The following ARHGAP39 variants were observed in gnomAD, a reference collection of about 807,000 sequenced individuals.
ARHGAP39 encodes rho GTPase-activating protein 39.
In ARHGAP39, 44 loss-of-function variants were observed where a neutral mutation model predicts 106.9. That is an observed-to-expected ratio of 0.41 (90% CI 0.32 to 0.53). ARHGAP39 has a LOEUF of 0.53. ARHGAP39 is among the 20% of genes least tolerant of loss of function. The pLI, the probability that ARHGAP39 is intolerant of heterozygous loss-of-function variation, is 0.21. For missense variants in ARHGAP39, 1,496 were observed against 1,577.3 expected (o/e 0.95, Z 0.87); for synonymous variants, 768 against 693.2 (o/e 1.11, Z -1.69).
chr8:144,647,461 C>A lies in ARHGAP39; in HGVS notation c.-82+38225G>T, dbSNP rs970683046. Among the ~76,000 whole-genome samples, 4 of 152,214 alleles carry A rather than the reference C, an allele frequency of 2.6e-5. No homozygotes were observed. Among genetic ancestry groups the A allele is most frequent in the Admixed American group, 6.5e-5 (1 of 15,278 alleles). On this transcript the variant is annotated intron_variant, in intron 1 of 11. Coordinates refer to ENST00000377307, the MANE Select transcript of ARHGAP39 (RefSeq NM_025251.3). The surrounding 1 kb of genome is among the most constrained non-coding windows in gnomAD (Gnocchi z 4.8). ...AGTCCTGTGCTCACAATGTCCATGG[C>A]CCCAGAACATTCCCACAAGGAAAGG...
chr8:144,639,574 C>T (rs868571328), intron 1 of ARHGAP39, among the ~76,000 whole-genome samples: 2 of 151,852 alleles, frequency 1.3e-5, no homozygotes, highest in Non-Finnish European at 2.9e-5. Flanking sequence ...TCTTCCAATA[C>T]GTATTCCTGT....
chr8:144,572,647 A>G (rs1395457823), intron 3 of ARHGAP39, among the ~76,000 whole-genome samples: 1 of 152,226 alleles, frequency 6.6e-6, no homozygotes, highest in Non-Finnish European at 1.5e-5. Context: ...TAAACTAAAG[A>G]GCTTCTGCAC....
upstream of ARHGAP39, among the ~76,000 whole-genome samples, chr8:144,689,119 AAAAC>A (rs1461216727): frequency 1.3e-5 from 2 of 152,174 alleles, no homozygotes; most frequent in African/African-American, 4.8e-5. Context: ...TACAGGGAGA[AAAAC>A]AAAGTTGGAT....
In ARHGAP39 at chr8:144,547,685, C is replaced by A; in HGVS notation, c.1401G>T (p.Gln467His). The change falls in exon 5 of 12, where the codon CAG becomes CAT. Residue 467 changes from glutamine (Q) to histidine (H), a missense_variant. Coordinates refer to ENST00000377307, the MANE Select transcript of ARHGAP39 (RefSeq NM_025251.3). This position sits in a 1 kb window ranked among gnomAD's most constrained non-coding sequence, Gnocchi z 5.2. ...ACCAGGACATGGCATCCTCCTGGGCCTGTGGCAGCGGCGTGGGCGGCTGGC... is the reference window on the plus strand; with the variant it reads ...ACCAGGACATGGCATCCTCCTGGGCATGTGGCAGCGGCGTGGGCGGCTGGC... ...RHSQPPTPLP[Q>H]AQEDAMSWSS... 6.3e-7 allele frequency: 1 copy of A among 1,578,548 alleles called. No homozygotes were observed. Among genetic ancestry groups the A allele is most frequent in the East Asian group, 2.3e-5 (1 of 43,694 alleles).
At chr8:144,534,303 G>C (rs1586872615) in intron 7 of ARHGAP39, 101 bp from the exon 8 acceptor site, 38 of 1,366,340 alleles carry the variant, frequency 2.8e-5, no homozygotes, top group Non-Finnish European at 3.4e-5. Flanking sequence ...CTGGGGGGCT[G>C]GGCTGGCCTT....
intron 3 of ARHGAP39, among the ~76,000 whole-genome samples, chr8:144,561,983 C>A (rs1818191288): frequency 6.6e-6 from 1 of 151,684 alleles, no homozygotes; most frequent in African/African-American, 2.4e-5. Context: ...TTCCATCGGA[C>A]CCCAGTGGTT....
At chr8:144,552,909 T>C (rs1817773059) in intron 4 of ARHGAP39, among the ~76,000 whole-genome samples, 1 of 152,190 alleles carries the variant, frequency 6.6e-6, no homozygotes, top group South Asian at 2.1e-4. Flanking sequence ...GATGGCAACT[T>C]GTGAAAGGAA....
intron 2 of ARHGAP39, among the ~76,000 whole-genome samples, chr8:144,601,002 CTGTG>C (rs565808739): frequency 7.7e-5 from 8 of 103,454 alleles, no homozygotes; most frequent in South Asian, 3.3e-4. Flanking sequence ...GCTCATGTAC[CTGTG>C]TGTGTGCGTG....
At position 144,604,969 on chromosome 8, in the gene ARHGAP39, G is replaced by A. The variant is rs1223343556; in HGVS notation, c.80+566C>T. Among the ~76,000 whole-genome samples the A allele has an allele frequency of 6.6e-6, 1 of 152,222 alleles. No individual in the cohort carries two copies. The highest frequency in any genetic ancestry group is 1.5e-5 in the Non-Finnish European group (1 of 68,040). ...AGCATGAAATTATTTCCAAATAAAA[G>A]CCTAGAAATCAGGGCAGAGCAGTGG... On this transcript the variant is annotated intron_variant, in intron 2 of 11. Transcript: ENST00000377307. The surrounding 1 kb of genome is among the most constrained non-coding windows in gnomAD (Gnocchi z 4.1).
At chr8:144,579,757 T>C (rs1482174753) in intron 3 of ARHGAP39, among the ~76,000 whole-genome samples, 1 of 152,122 alleles carries the variant, frequency 6.6e-6, no homozygotes, top group African/African-American at 2.4e-5. Flanking sequence ...AACACGCTCC[T>C]TCCCACCTCT....
At chr8:144,538,665 C>G (rs542865016) in intron 6 of ARHGAP39, among the ~76,000 whole-genome samples, 4 of 152,082 alleles carry the variant, frequency 2.6e-5, no homozygotes, top group Non-Finnish European at 5.9e-5. Flanking sequence ...CTCCACCTCC[C>G]GGGTTCAAGA....
intron 5 of ARHGAP39, 45 bp from the exon 6 acceptor site, chr8:144,545,855 C>A: frequency 6.9e-7 from 1 of 1,447,480 alleles, no homozygotes; most frequent in Non-Finnish European, 9.1e-7. Flanking sequence ...TGGGGGAGGG[C>A]CAGGCAGGTG....
the ARHGAP39 span, among the ~76,000 whole-genome samples, chr8:144,692,891 C>T: frequency 2.7e-5 from 4 of 150,882 alleles, no homozygotes; most frequent in African/African-American, 9.8e-5. Context: ...TCCCGAGTAG[C>T]TGGGATTACA....
chr8:144,593,309 A>G (rs1819476494), intron 2 of ARHGAP39, among the ~76,000 whole-genome samples: 1 of 152,198 alleles, frequency 6.6e-6, no homozygotes. Context: ...GGAGACGTAG[A>G]CAAGGGTGTC....
At chr8:144,616,080 C>T (rs1032520445) in intron 1 of ARHGAP39, among the ~76,000 whole-genome samples, 5 of 152,346 alleles carry the variant, frequency 3.3e-5, no homozygotes, top group South Asian at 2.1e-4. Flanking sequence ...CACCTGGATG[C>T]GCAGAAAAAG....
chr8:144,666,439 T>C (rs941471736), intron 1 of ARHGAP39, among the ~76,000 whole-genome samples: 1 of 152,160 alleles, frequency 6.6e-6, no homozygotes, highest in Non-Finnish European at 1.5e-5. Flanking sequence ...GGTTTGGCTG[T>C]GTCCCCACCT....
At chr8:144,541,399 T>G (rs1817186511) in intron 6 of ARHGAP39, among the ~76,000 whole-genome samples, 1 of 152,238 alleles carries the variant, frequency 6.6e-6, no homozygotes, top group African/African-American at 2.4e-5. Flanking sequence ...ACACATAAAA[T>G]TTACCACTTT....
chr8:144,698,696 C>T, the ARHGAP39 span: 4 of 348,260 alleles, frequency 1.1e-5, no homozygotes, highest in Admixed American at 3.6e-5. Flanking sequence ...TCCATATTTT[C>T]TTGGCTTTTC....
Position 144,529,534 on chromosome 8 carries a change from G to C in ARHGAP39, c.*888C>G, listed in dbSNP as rs1816566160. 3 of 152,178 alleles carry C rather than the reference G, an allele frequency of 2.0e-5. No homozygotes were observed. The highest frequency in any genetic ancestry group is 6.5e-5 in the Admixed American group (1 of 15,268). 9.4% of individuals were successfully genotyped at this position (152,178 alleles called of 1,614,324 possible). The stretch of plus-strand genomic sequence containing the variant: ...GCAGGTCTGGGATGGGGATGGGGTA[G>C]AGCTTGGTTTTTGGTCAGAAGCCAA... On this transcript the variant is annotated 3_prime_UTR_variant, in exon 12 of 12. Coordinates refer to ENST00000377307, the MANE Select transcript of ARHGAP39 (RefSeq NM_025251.3).
Sources: allele counts gnomAD v4.1 joint callset (sites outside exome capture counted in the v4.1 genomes callset), GRCh38; gene constraint gnomAD v4.1.1; non-coding constraint Gnocchi (gnomAD v3.1); transcripts MANE v1.5; gene names NCBI Gene and HGNC (gene_info 2026-07-23, HGNC 2026-07-21).